Variants in HACD3 observed in about 807,000 individuals in gnomAD.
HACD3 encodes very-long-chain (3R)-3-hydroxyacyl-CoA dehydratase 3.
HACD3 carries 30 observed loss-of-function variants against 55.2 expected under a neutral mutation model. The observed-to-expected ratio is 0.54, with a 90% CI of 0.41 to 0.74. The LOEUF is 0.74. HACD3 is among the 30% of genes least tolerant of loss of function. HACD3 has a pLI of 0.00. For synonymous variants in HACD3, 141 were observed against 151.7 expected (o/e 0.93, Z 0.52); for missense variants, 363 against 440.1 (o/e 0.82, Z 1.57).
chr15:65,569,057 C>T lies in HACD3; in HGVS notation c.661-1034C>T, dbSNP rs192395538. On this transcript the variant is annotated intron_variant, in intron 7 of 10. Coordinates refer to ENST00000261875, the MANE Select transcript of HACD3 (RefSeq NM_016395.4). ...GGTCAGGAGATCGAGACCATCCTGG[C>T]TAACATGGTGAAACCCCGTCTCTAC... Among the ~76,000 whole-genome samples, 28 of 151,342 alleles carry T rather than the reference C, an allele frequency of 1.9e-4. No homozygotes were observed. The East Asian group carries it at 5.4e-3, about 29-fold the overall frequency.
intron 1 of HACD3, among the ~76,000 whole-genome samples, chr15:65,542,789 AAAC>A (rs978725370): frequency 9.9e-5 from 15 of 152,128 alleles, no homozygotes; most frequent in African/African-American, 2.7e-4. Flanking sequence ...GTCTTAAAAA[AAAC>A]AGGCCGGGCT....
rs1218744205 is a variant in HACD3, at chr15:65,577,241, G to C, written c.*862G>C. The C allele has an allele frequency of 6.6e-6, 1 of 152,134 alleles. No homozygotes were observed. The highest frequency in any genetic ancestry group is 1.9e-4 in the East Asian group (1 of 5,186). 9.4% of individuals were successfully genotyped at this position (152,134 alleles called of 1,614,324 possible). On this transcript the variant is annotated 3_prime_UTR_variant, in exon 11 of 11. Coordinates refer to ENST00000261875, the MANE Select transcript of HACD3 (RefSeq NM_016395.4). ...GGAGTTCAAGACCAGCTTGGGCAAC[G>C]TAGTGAGACCCCTATCTCTACAAAA...
At chr15:65,542,725 A>G (rs1179641270) in intron 1 of HACD3, among the ~76,000 whole-genome samples, 2 of 152,220 alleles carry the variant, frequency 1.3e-5, no homozygotes, top group Non-Finnish European at 2.9e-5. Flanking sequence ...AAATCATTTT[A>G]TAAAGTTTGA....
chr15:65,537,665 C>T lies in HACD3; in HGVS notation c.87+6947C>T, dbSNP rs183787990. ...AAAATTAGCTGGGCATGGTGGCGGG[C>T]GCCTTTAATCCCAGCTACTTGGGAG... On this transcript the variant is annotated intron_variant, in intron 1 of 10. Coordinates refer to ENST00000261875, the MANE Select transcript of HACD3 (RefSeq NM_016395.4). Among the ~76,000 whole-genome samples the T allele has an allele frequency of 6.7e-3, 1,014 of 150,506 alleles. 24 individuals are homozygous for T. The highest frequency in any genetic ancestry group is 0.065 in the East Asian group (334 of 5,114).
intron 5 of HACD3, among the ~76,000 whole-genome samples, chr15:65,559,519 G>A (rs2072225272): frequency 6.6e-6 from 1 of 150,722 alleles, no homozygotes; most frequent in South Asian, 2.1e-4. Flanking sequence ...GGAGGGGAAA[G>A]TTTTGGAGCA....
chr15:65,537,077 C>T (rs1363240552), intron 1 of HACD3, among the ~76,000 whole-genome samples: 1 of 152,124 alleles, frequency 6.6e-6, no homozygotes, highest in African/African-American at 2.4e-5. Context: ...AAGCCAAAGC[C>T]TAATCCAGAA....
intron 2 of HACD3, among the ~76,000 whole-genome samples, chr15:65,553,727 G>A (rs536714762): frequency 2.0e-5 from 3 of 152,270 alleles, no homozygotes; most frequent in South Asian, 2.1e-4. Context: ...GGAATTTATC[G>A]TCACAGAGAA....
intron 10 of HACD3, 143 bp downstream of exon 10, chr15:65,572,509 A>T (rs1008385931): frequency 1.2e-5 from 12 of 965,868 alleles, no homozygotes; most frequent in East Asian, 2.8e-5. Context: ...CAGACCCACT[A>T]GGGGAATATG....
chr15:65,533,055 AAACT>A (rs1208269760), intron 1 of HACD3, among the ~76,000 whole-genome samples: 1 of 152,224 alleles, frequency 6.6e-6, no homozygotes, highest in African/African-American at 2.4e-5. Context: ...TATTTTTGTC[AAACT>A]AAGACTGGGA....
chr15:65,563,650 T>C (rs2072264153), intron 6 of HACD3, among the ~76,000 whole-genome samples: 1 of 152,046 alleles, frequency 6.6e-6, no homozygotes, highest in Non-Finnish European at 1.5e-5. Context: ...GACTGGGTGA[T>C]GGAGCAAGAC....
intron 1 of HACD3, among the ~76,000 whole-genome samples, chr15:65,536,369 G>A (rs2071955337): frequency 6.6e-6 from 1 of 152,130 alleles, no homozygotes; most frequent in Admixed American, 6.5e-5. Flanking sequence ...ATAAATGTAT[G>A]TGTTCTGACT....
At chr15:65,530,763 C>T (rs1020520852) in intron 1 of HACD3, 45 bp downstream of exon 1, 13 of 1,503,002 alleles carry the variant, frequency 8.6e-6, no homozygotes, top group Middle Eastern at 1.9e-4. Flanking sequence ...GATCGCGGCT[C>T]CGGGTACCCG....
rs768267146 is a variant in HACD3 at position 65,576,311 on chromosome 15, A to C, written c.1021A>C (p.Ile341Leu). Residue 341 changes from isoleucine (I) to leucine (L), a missense_variant, in exon 11 of 11, where the codon ATA (isoleucine) becomes CTA (leucine). By Grantham distance (5) the Ile-to-Leu change is conservative. Coordinates refer to ENST00000261875, the MANE Select transcript of HACD3 (RefSeq NM_016395.4). ...YLIMIFLGLY[I>L]NFRHLYKQRR... ...CCTCTTTTCTTTTTCAGGTTTATACATAAATTTTCGTCACCTTTATAAACA... is the reference window on the plus strand; with the variant it reads ...CCTCTTTTCTTTTTCAGGTTTATACCTAAATTTTCGTCACCTTTATAAACA... 2 of 1,595,116 alleles carry C rather than the reference A, an allele frequency of 1.3e-6. No homozygotes were observed. The highest frequency in any genetic ancestry group is 1.7e-6 in the Non-Finnish European group (2 of 1,171,278).
chr15:65,530,975 G>T, intron 1 of HACD3: 1 of 459,248 alleles, frequency 2.2e-6, no homozygotes, highest in Non-Finnish European at 3.9e-6. Context: ...AGGCTACCCC[G>T]GGCCTCTTCT....
At chr15:65,568,582 C>G (rs1567340130) in intron 7 of HACD3, among the ~76,000 whole-genome samples, 1 of 151,910 alleles carries the variant, frequency 6.6e-6, no homozygotes, top group Non-Finnish European at 1.5e-5. Context: ...TGGTCTTGAA[C>G]TCCTGACCTC....
chr15:65,571,707 G>A (rs1403134162), intron 9 of HACD3, 53 bp downstream of exon 9: 1 of 1,376,292 alleles, frequency 7.3e-7, no homozygotes, highest in Non-Finnish European at 1.0e-6. Flanking sequence ...GGTACCCAGA[G>A]GCTGAGAGAC....
chr15:65,548,041 A>G lies in HACD3; in HGVS notation c.88-3635A>G, dbSNP rs118153300. Among the ~76,000 whole-genome samples, 655 of 152,266 alleles carry G rather than the reference A, an allele frequency of 4.3e-3. 4 individuals are homozygous for G. Among genetic ancestry groups the G allele is most frequent in the Admixed American group, 0.012 (187 of 15,300 alleles). ...AGGAGAGAACAGGAATTAACATTTG[A>G]CCTGAACTTTGAAAGAGAAGTAGTG... is the stretch of plus-strand genomic sequence containing the variant. On this transcript the variant is annotated intron_variant, in intron 1 of 10. Transcript: ENST00000261875.
In HACD3 at chr15:65,572,295, T is replaced by G. The variant is rs1396829567; in HGVS notation, c.941T>G (p.Leu314Trp). 2.5e-6 allele frequency: 4 copies of G among 1,613,264 alleles called. No homozygotes were observed. Among genetic ancestry groups the G allele is most frequent in the Non-Finnish European group, 3.4e-6 (4 of 1,179,806 alleles). ...FNETGRFSFT[L>W]PYPVKIKVRF... Reference sequence around the variant, plus strand: ...GAGACCGGACGATTCAGTTTCACATTGCCATATCCAGTGAAAATCAAAGTT... The same window carrying G: ...GAGACCGGACGATTCAGTTTCACATGGCCATATCCAGTGAAAATCAAAGTT... The change falls in exon 10 of 11, where the codon TTG (leucine) becomes TGG (tryptophan). Residue 314 changes from leucine to tryptophan, a missense_variant. Physicochemically the swap from Leu to Trp is moderately conservative, Grantham distance 61. Coordinates refer to ENST00000261875, the MANE Select transcript of HACD3 (RefSeq NM_016395.4).
In HACD3 at chr15:65,530,720, T is replaced by C; in HGVS notation, c.87+2T>C. 1 of 1,552,336 alleles carries C rather than the reference T, an allele frequency of 6.4e-7. No individual in the cohort carries two copies. Among genetic ancestry groups the C allele is most frequent in the Middle Eastern group, 1.7e-4 (1 of 5,942 alleles). ...CGCGTGGAGCTGAGTGACGTACAGG[T>C]AAAGGCCGGGTCGGGCGGCGGGAAG... On this transcript the variant is annotated splice_donor_variant, in intron 1 of 10. Transcript: ENST00000261875. LOFTEE classifies it high-confidence loss of function.
Sources: allele counts gnomAD v4.1 joint callset (sites outside exome capture counted in the v4.1 genomes callset), GRCh38; gene constraint gnomAD v4.1.1; transcripts MANE v1.5; gene names NCBI Gene and HGNC (gene_info 2026-07-23, HGNC 2026-07-21).